The following SLC7A7 variants were observed in gnomAD, a reference collection of about 807,000 sequenced individuals.
SLC7A7 encodes Y+L amino acid transporter 1.
In SLC7A7, 39 loss-of-function variants were observed where a neutral mutation model predicts 47.9. That is an observed-to-expected ratio of 0.81 (90% CI 0.63 to 1.06). SLC7A7 has a LOEUF of 1.06. Ranked by LOEUF, SLC7A7 falls within the 50% of genes least tolerant of loss-of-function variation. The pLI is 0.00. For missense variants in SLC7A7, 588 were observed against 632.0 expected (o/e 0.93, Z 0.75); for synonymous variants, 234 against 242.8 (o/e 0.96, Z 0.34).
intron 2 of SLC7A7, among the ~76,000 whole-genome samples, chr14:22,787,070 C>A (rs1218693110): frequency 6.6e-6 from 1 of 151,992 alleles, no homozygotes; most frequent in East Asian, 1.9e-4. Context: ...AGTTCAAATC[C>A]CTTCTTTAAT....
intron 2 of SLC7A7, among the ~76,000 whole-genome samples, chr14:22,805,826 A>G (rs1250359650): frequency 6.6e-6 from 1 of 152,170 alleles, no homozygotes; most frequent in Non-Finnish European, 1.5e-5. Flanking sequence ...GAAATTACCC[A>G]TGTATGCTCA....
intron 2 of SLC7A7, among the ~76,000 whole-genome samples, chr14:22,803,485 G>C (rs768161456): frequency 9.9e-5 from 15 of 152,202 alleles, no homozygotes; most frequent in Non-Finnish European, 1.9e-4. Context: ...TAGGTCTCTA[G>C]TAAGGTACTA....
chr14:22,799,474 A>G (rs1263671391), intron 2 of SLC7A7, among the ~76,000 whole-genome samples: 1 of 23,336 alleles, frequency 4.3e-5, no homozygotes, highest in African/African-American at 1.2e-4. Flanking sequence ...TTTTTTTTTG[A>G]GACAGAATCT....
At chr14:22,804,335 T>C (rs1411322472) in intron 2 of SLC7A7, among the ~76,000 whole-genome samples, 1 of 151,994 alleles carries the variant, frequency 6.6e-6, no homozygotes, top group Non-Finnish European at 1.5e-5. Context: ...CAAAAGCAAT[T>C]GCCAAAAAAG....
chr14:22,779,473 G>T (rs984683807), intron 3 of SLC7A7, among the ~76,000 whole-genome samples: 4 of 151,386 alleles, frequency 2.6e-5, no homozygotes, highest in Admixed American at 2.0e-4. Context: ...TTTTGGGGGG[G>T]GGACAGAGTC....
chr14:22,819,664 G>T, upstream of SLC7A7: 1 of 152,554 alleles, frequency 6.6e-6, no homozygotes, highest in Non-Finnish European at 1.5e-5. Context: ...GGGCAGGTGC[G>T]GGGAGGAGGG....
At chr14:22,776,617 G>A (rs1199442611) in intron 4 of SLC7A7, among the ~76,000 whole-genome samples, 3 of 152,166 alleles carry the variant, frequency 2.0e-5, no homozygotes, top group South Asian at 2.1e-4. Context: ...GAGATGGCTC[G>A]AGTCTAGGAG....
At chr14:22,804,375 C>T (rs964710299) in intron 2 of SLC7A7, among the ~76,000 whole-genome samples, 1 of 152,036 alleles carries the variant, frequency 6.6e-6, no homozygotes, top group African/African-American at 2.4e-5. Context: ...TCTTATTAAA[C>T]TAAAGAGCTT....
chr14:22,808,432 G>T (rs2039248748), intron 2 of SLC7A7, among the ~76,000 whole-genome samples: 1 of 152,164 alleles, frequency 6.6e-6, no homozygotes, highest in Admixed American at 6.5e-5. Context: ...TAAATCTGAA[G>T]ATTCTGCCTA....
chr14:22,801,697 C>T (rs1271000221), intron 2 of SLC7A7, among the ~76,000 whole-genome samples: 2 of 152,110 alleles, frequency 1.3e-5, no homozygotes, highest in East Asian at 3.9e-4. Flanking sequence ...ATCTCTTGAA[C>T]CTGGGAAGCA....
chr14:22,792,145 C>G (rs1187730261), intron 2 of SLC7A7, among the ~76,000 whole-genome samples: 3 of 152,102 alleles, frequency 2.0e-5, no homozygotes, highest in Non-Finnish European at 4.4e-5. Flanking sequence ...TGGAAACTCT[C>G]TACACCTTGA....
At position 22,773,589 on chromosome 14, in the gene SLC7A7, C is replaced by T. The variant is rs372275755; in HGVS notation, c.*21G>A. The T allele has an allele frequency of 3.9e-5, 62 of 1,598,102 alleles. No homozygotes were observed. In the African/African-American group the frequency reaches 7.1e-4, roughly 18 times the overall value. ...GTAGACCAGAAACCCCTGCTTTCCACATCAGGATTCCAGATGGTGTTTAGT... is the reference window on the plus strand; with the variant it reads ...GTAGACCAGAAACCCCTGCTTTCCATATCAGGATTCCAGATGGTGTTTAGT... On this transcript the variant is annotated 3_prime_UTR_variant, in exon 10 of 10. Coordinates refer to ENST00000674313, the MANE Select transcript of SLC7A7 (RefSeq NM_003982.4).
intron 2 of SLC7A7, 188 bp from the exon 3 acceptor site, chr14:22,780,239 T>G: frequency 1.6e-6 from 1 of 611,562 alleles, no homozygotes; most frequent in Non-Finnish European, 2.9e-6. Context: ...TACAAAGGCC[T>G]CTATACTCCC....
At chr14:22,801,661 C>T (rs746630483) in intron 2 of SLC7A7, among the ~76,000 whole-genome samples, 8 of 152,060 alleles carry the variant, frequency 5.3e-5, no homozygotes, top group Non-Finnish European at 1.0e-4. Flanking sequence ...GCCTGTAGTC[C>T]CAGCTACTCA....
Position 22,790,928 on chromosome 14 carries a change from G to T in SLC7A7, c.500-10877C>A, listed in dbSNP as rs1437814847. Among the ~76,000 whole-genome samples the T allele has an allele frequency of 7.3e-5, 11 of 151,590 alleles. No individual in the cohort carries two copies. The East Asian group carries it at 2.1e-3, about 29-fold the overall frequency. On this transcript the variant is annotated intron_variant, in intron 2 of 9. Transcript: ENST00000674313. ...CAGGAGAATCACTTGAGCCCAGGAG[G>T]CGGAGGTTGCAGTGAGCTAAGATCG... is the stretch of plus-strand genomic sequence containing the variant.
chr14:22,779,447 TTTAA>T (rs1420250776), intron 3 of SLC7A7, among the ~76,000 whole-genome samples: 11 of 146,596 alleles, frequency 7.5e-5, no homozygotes, highest in African/African-American at 2.1e-4. Flanking sequence ...GGGCAAGATA[TTTAA>T]TTCTTTTTTT....
At chr14:22,775,570 A>G in intron 6 of SLC7A7, 30 bp from the exon 7 acceptor site, 1 of 1,593,090 alleles carries the variant, frequency 6.3e-7, no homozygotes, top group African/African-American at 1.3e-5. Context: ...AGAAGCTGAG[A>G]AAATTGGTGG....
chr14:22,780,701 C>T (rs2038703400), intron 2 of SLC7A7, among the ~76,000 whole-genome samples: 2 of 152,208 alleles, frequency 1.3e-5, no homozygotes, highest in African/African-American at 4.8e-5. Flanking sequence ...ACACATTCCC[C>T]CAGTCCTTCT....
intron 5 of SLC7A7, 45 bp downstream of exon 5, chr14:22,776,150 A>T (rs777502738): frequency 1.2e-6 from 2 of 1,613,566 alleles, no homozygotes; most frequent in Non-Finnish European, 1.7e-6. Context: ...TATACCCAGT[A>T]CCCCACAAGA....
Sources: allele counts gnomAD v4.1 joint callset (sites outside exome capture counted in the v4.1 genomes callset), GRCh38; gene constraint gnomAD v4.1.1; transcripts MANE v1.5; gene names NCBI Gene and HGNC (gene_info 2026-07-23, HGNC 2026-07-21).